GRM7: variants seen among roughly 807,000 people sequenced by gnomAD.
GRM7 encodes the protein glutamate metabotropic receptor 7.
Under a neutral mutation model 84.5 loss-of-function variants are expected in GRM7, and 35 were observed. The ratio of observed to expected loss-of-function variants is 0.41; its 90% CI spans 0.32 to 0.55. The LOEUF is 0.55. GRM7 is among the 20% of genes least tolerant of loss of function. GRM7 has a pLI of 0.19. For synonymous variants in GRM7, 487 were observed against 455.1 expected (o/e 1.07, Z -0.89); for missense variants, 1,003 against 1,194.6 (o/e 0.84, Z 2.36).
At chr3:7,228,142 C>T (rs559358904) in intron 2 of GRM7, among the ~76,000 whole-genome samples, 39 of 152,224 alleles carry the variant, frequency 2.6e-4, no homozygotes, top group South Asian at 1.9e-3. Context: ...GCCCCACCTT[C>T]AGACCTGTGG....
chr3:7,230,133 C>A (rs1222119092), intron 2 of GRM7, among the ~76,000 whole-genome samples: 1 of 152,018 alleles, frequency 6.6e-6, no homozygotes, highest in African/African-American at 2.4e-5. Context: ...GCCACCGCGC[C>A]TGGCCTCTTC....
intron 1 of GRM7, among the ~76,000 whole-genome samples, chr3:7,145,353 A>C (rs956927026): frequency 6.6e-6 from 1 of 152,150 alleles, no homozygotes; most frequent in Admixed American, 6.5e-5. Flanking sequence ...TGATAGAATC[A>C]AGACAAAGAA....
intron 7 of GRM7, among the ~76,000 whole-genome samples, chr3:7,504,821 C>T (rs563048612): frequency 6.6e-6 from 1 of 152,162 alleles, no homozygotes; most frequent in Admixed American, 6.5e-5. Flanking sequence ...TGTCTCTAGC[C>T]CCCAAAATTA....
chr3:7,414,950 C>A (rs1337032016), intron 4 of GRM7, 73 bp from the exon 5 acceptor site: 18 of 1,240,568 alleles, frequency 1.5e-5, no homozygotes, highest in Non-Finnish European at 2.0e-5. Context: ...AAAAAAAAGT[C>A]ACTTTTATTT....
chr3:7,273,314 G>C (rs551384880), intron 2 of GRM7, among the ~76,000 whole-genome samples: 2 of 152,194 alleles, frequency 1.3e-5, no homozygotes, highest in East Asian at 3.9e-4. Flanking sequence ...AGCTTGAGAA[G>C]AATGTACATT....
At chr3:6,933,166 C>T (rs1697569785) in intron 1 of GRM7, among the ~76,000 whole-genome samples, 1 of 152,126 alleles carries the variant, frequency 6.6e-6, no homozygotes, top group Admixed American at 6.5e-5. Flanking sequence ...TAATAAAATA[C>T]AGGAAGGAAG....
At chr3:7,218,951 T>A (rs968655906) in intron 2 of GRM7, among the ~76,000 whole-genome samples, 1 of 152,174 alleles carries the variant, frequency 6.6e-6, no homozygotes, top group African/African-American at 2.4e-5. Context: ...CCATCATTTA[T>A]TGATAATATA....
chr3:7,467,366 C>T (rs549437391), intron 7 of GRM7, among the ~76,000 whole-genome samples: 21 of 152,192 alleles, frequency 1.4e-4, no homozygotes, highest in African/African-American at 5.1e-4. Flanking sequence ...GGATTACAGG[C>T]GTGAGCCACC....
At chr3:7,276,198 T>C (rs1333453819) in intron 2 of GRM7, among the ~76,000 whole-genome samples, 7 of 57,280 alleles carry the variant, frequency 1.2e-4, no homozygotes, top group Non-Finnish European at 1.2e-4. Flanking sequence ...AAATTATATA[T>C]ATATATATAT....
chr3:7,414,880 C>T, intron 4 of GRM7, 143 bp from the exon 5 acceptor site: 2 of 577,454 alleles, frequency 3.5e-6, no homozygotes, highest in Non-Finnish European at 6.0e-6. Flanking sequence ...TTTCCTCCTT[C>T]TGTTAATTTT....
chr3:6,944,373 G>A (rs1044583991), intron 1 of GRM7, among the ~76,000 whole-genome samples: 1 of 152,050 alleles, frequency 6.6e-6, no homozygotes, highest in African/African-American at 2.4e-5. Context: ...TTTTCTCATA[G>A]TTTTTTATCA....
At chr3:7,035,074 C>G (rs547013134) in intron 1 of GRM7, among the ~76,000 whole-genome samples, 1 of 152,258 alleles carries the variant, frequency 6.6e-6, no homozygotes, top group South Asian at 2.1e-4. Context: ...AGGTATACAT[C>G]TTTGCACTGG....
intron 1 of GRM7, among the ~76,000 whole-genome samples, chr3:7,002,340 G>GC (rs1444457226): frequency 2.6e-5 from 4 of 152,094 alleles, no homozygotes; most frequent in African/African-American, 9.7e-5. Context: ...TAACCGTAGG[G>GC]CTTCTCTACT....
At chr3:7,735,335 T>G (rs1403050269) in intron 9 of GRM7, among the ~76,000 whole-genome samples, 3 of 139,084 alleles carry the variant, frequency 2.2e-5, no homozygotes, top group Non-Finnish European at 4.6e-5. Context: ...AATATCCCCA[T>G]GTACTTCCAA....
At chr3:7,602,486 ATGCAT>A (rs1696362023) in intron 8 of GRM7, among the ~76,000 whole-genome samples, 1 of 152,168 alleles carries the variant, frequency 6.6e-6, no homozygotes, top group Non-Finnish European at 1.5e-5. Context: ...TTACTTACAG[ATGCAT>A]ATGCCTACCA....
chr3:6,974,354 C>G (rs181615891), intron 1 of GRM7, among the ~76,000 whole-genome samples: 25 of 152,250 alleles, frequency 1.6e-4, no homozygotes, highest in Admixed American at 1.6e-3. Context: ...TGAAAGGGTT[C>G]TGGGGGTCCA....
At position 7,713,124 on chromosome 3, in the gene GRM7, G is replaced by GTTTTTTTTTTTT. The variant is rs5846535; in HGVS notation, c.2699-27216_2699-27205dup. ...ATAGAGAGGATTCGAATTTTGTTTT[G>GTTTTTTTTTTTT]TTTTTTTTTTTTTTTTTTTTTTTTT... On this transcript the variant is annotated intron_variant, in intron 9 of 9. Coordinates refer to ENST00000357716, the MANE Select transcript of GRM7 (RefSeq NM_000844.4). Among the ~76,000 whole-genome samples the GTTTTTTTTTTTT allele has an allele frequency of 3.3e-4, 32 of 97,118 alleles. 2 individuals carry two copies. Among genetic ancestry groups the GTTTTTTTTTTTT allele is most frequent in the African/African-American group, 1.1e-3 (29 of 26,828 alleles). 63.7% of individuals were successfully genotyped at this position (97,118 alleles called of 152,430 possible). A position where few individuals can be genotyped will look rare whatever the true frequency, so the allele number is the denominator to read the frequency against.
chr3:7,677,280 A>C (rs1011507226), intron 8 of GRM7, among the ~76,000 whole-genome samples: 20 of 148,882 alleles, frequency 1.3e-4, no homozygotes, highest in South Asian at 2.1e-4. Flanking sequence ...AAAAAAAAAA[A>C]AAAAAAAAAA....
chr3:7,251,158 C>A (rs973599097), intron 2 of GRM7, among the ~76,000 whole-genome samples: 5 of 152,034 alleles, frequency 3.3e-5, no homozygotes, highest in Non-Finnish European at 7.4e-5. Flanking sequence ...ATGAATATTA[C>A]GTGATTAAGT....
Sources: allele counts gnomAD v4.1 joint callset (sites outside exome capture counted in the v4.1 genomes callset), GRCh38; gene constraint gnomAD v4.1.1; transcripts MANE v1.5; gene names NCBI Gene and HGNC (gene_info 2026-07-23, HGNC 2026-07-21).